Variants in LRFN2 observed in about 807,000 individuals in gnomAD.
LRFN2 encodes the protein leucine rich repeat and fibronectin type III domain containing 2, also known as leucine-rich repeat and fibronectin type-III domain-containing protein 2.
A neutral mutation model predicts 37.3 loss-of-function variants in LRFN2; 18 were observed. That is an observed-to-expected ratio of 0.48 (90% CI 0.33 to 0.72). LRFN2 has a LOEUF of 0.72. Ranked by LOEUF, LRFN2 falls within the 30% of genes least tolerant of loss-of-function variation. LRFN2 has a pLI of 0.02. For missense variants in LRFN2, 1,006 were observed against 1,060.7 expected (o/e 0.95, Z 0.72); for synonymous variants, 556 against 466.6 (o/e 1.19, Z -2.47).
intron 1 of LRFN2, among the ~76,000 whole-genome samples, chr6:40,438,071 C>T (rs1169984948): frequency 6.6e-6 from 1 of 152,120 alleles, no homozygotes; most frequent in Non-Finnish European, 1.5e-5. Flanking sequence ...TCAGAATCAG[C>T]CTTCATAGGA....
intron 1 of LRFN2, among the ~76,000 whole-genome samples, chr6:40,582,264 C>A (rs999968650): frequency 6.6e-6 from 1 of 151,942 alleles, no homozygotes; most frequent in Non-Finnish European, 1.5e-5. Context: ...TGTTTCTGGG[C>A]ACGTGAACTG....
At chr6:40,562,869 A>T (rs959771390) in intron 1 of LRFN2, among the ~76,000 whole-genome samples, 6 of 147,856 alleles carry the variant, frequency 4.1e-5, no homozygotes, top group Admixed American at 2.0e-4. Context: ...ACACACACAC[A>T]CTCTATTATC....
intron 2 of LRFN2, among the ~76,000 whole-genome samples, chr6:40,401,288 C>A (rs1297172414): frequency 6.6e-6 from 1 of 152,072 alleles, no homozygotes; most frequent in Non-Finnish European, 1.5e-5. Context: ...GCCCATGTGA[C>A]CCTTTCTGGC....
At chr6:40,517,430 T>G (rs1313697275) in intron 1 of LRFN2, 1 of 152,184 alleles carries the variant, frequency 6.6e-6, no homozygotes, top group African/African-American at 2.4e-5. Context: ...TGGTCCCATC[T>G]CAGACTTTTC....
chr6:40,419,057 G>C (rs78280047), intron 2 of LRFN2, among the ~76,000 whole-genome samples: 5,503 of 152,286 alleles, frequency 0.036, 331 homozygotes, highest in African/African-American at 0.12. Context: ...GCAGGGTCTT[G>C]CACTTGTGTG....
chr6:40,499,812 T>C (rs1239886141), intron 1 of LRFN2, among the ~76,000 whole-genome samples: 2 of 152,198 alleles, frequency 1.3e-5, no homozygotes, highest in Non-Finnish European at 2.9e-5. Flanking sequence ...AGCCATTGAT[T>C]CAAGCTCAGA....
intron 1 of LRFN2, among the ~76,000 whole-genome samples, chr6:40,549,561 G>T (rs1417955353): frequency 1.3e-5 from 2 of 152,220 alleles, no homozygotes; most frequent in Non-Finnish European, 2.9e-5. Context: ...CTTTGCTATT[G>T]TGAGGTTATT....
chr6:40,544,420 T>C (rs1581787700), intron 1 of LRFN2, among the ~76,000 whole-genome samples: 1 of 152,238 alleles, frequency 6.6e-6, no homozygotes. Flanking sequence ...TAGAGCATCT[T>C]ACTGCTGAGC....
At position 40,392,858 on chromosome 6, in the gene LRFN2, A is replaced by C. The variant is rs899331662; in HGVS notation, c.1455T>G (p.Thr485=). 1 of 1,613,860 alleles carries C rather than the reference A, an allele frequency of 6.2e-7. No individual in the cohort carries two copies. The highest frequency in any genetic ancestry group is 8.5e-7 in the Non-Finnish European group (1 of 1,179,896). ...TGGCCAGCACACACAAGTCGTAGCCAGTCCCTGACACCAGGTTGTTGACCA... is the reference window on the plus strand; with the variant it reads ...TGGCCAGCACACACAAGTCGTAGCCCGTCCCTGACACCAGGTTGTTGACCA... The part of the protein sequence containing the change: ...AFVVNNLVSG[T]GYDLCVLAMW... The change falls in exon 3 of 3, where the codon ACT becomes ACG. Residue 485 remains threonine (T), a synonymous_variant. Transcript: ENST00000338305. The surrounding 1 kb of genome is among the most constrained non-coding windows in gnomAD (Gnocchi z 4.7).
At chr6:40,544,481 G>A (rs1227975067) in intron 1 of LRFN2, among the ~76,000 whole-genome samples, 2 of 152,164 alleles carry the variant, frequency 1.3e-5, no homozygotes, top group African/African-American at 4.8e-5. Flanking sequence ...GTGTTCCCCT[G>A]CAGCACCCTG....
At chr6:40,394,507 T>C (rs1762574750) in intron 2 of LRFN2, among the ~76,000 whole-genome samples, 1 of 152,148 alleles carries the variant, frequency 6.6e-6, no homozygotes, top group Non-Finnish European at 1.5e-5. Context: ...CTGGGATCCA[T>C]GCACAGAGGA....
At chr6:40,465,205 G>A (rs1249705466) in intron 1 of LRFN2, among the ~76,000 whole-genome samples, 1 of 152,094 alleles carries the variant, frequency 6.6e-6, no homozygotes, top group Non-Finnish European at 1.5e-5. Context: ...GAAAGAGCAA[G>A]GAAACATATT....
chr6:40,493,318 A>G (rs1765137124), intron 1 of LRFN2, among the ~76,000 whole-genome samples: 2 of 152,004 alleles, frequency 1.3e-5, no homozygotes, highest in African/African-American at 4.8e-5. Context: ...TCCTGACTTG[A>G]ACCCTGACTC....
intron 1 of LRFN2, among the ~76,000 whole-genome samples, chr6:40,448,497 G>T (rs1229027000): frequency 6.6e-6 from 1 of 152,174 alleles, no homozygotes; most frequent in Non-Finnish European, 1.5e-5. Context: ...TGAAAAAAAT[G>T]AAATCTTTGC....
At chr6:40,542,079 G>T (rs126776) in intron 1 of LRFN2, among the ~76,000 whole-genome samples, 97,652 of 152,126 alleles carry the variant, frequency 0.64, 31,954 homozygotes, top group African/African-American at 0.71. Context: ...ACAGAGACCT[G>T]GTGGTTCTAA....
At chr6:40,453,553 CA>C (rs372403542) in intron 1 of LRFN2, among the ~76,000 whole-genome samples, 7,343 of 147,620 alleles carry the variant, frequency 0.05, 238 homozygotes, top group Middle Eastern at 0.072. Context: ...CACACACACA[CA>C]CCTCCCTTTG....
intron 2 of LRFN2, among the ~76,000 whole-genome samples, chr6:40,395,191 C>G (rs761122686): frequency 1.6e-4 from 24 of 152,150 alleles, no homozygotes; most frequent in Admixed American, 3.3e-4. Flanking sequence ...GTGATCAGTA[C>G]TCCCATTTCA....
At chr6:40,417,076 A>T (rs1486810862) in intron 2 of LRFN2, among the ~76,000 whole-genome samples, 2 of 152,076 alleles carry the variant, frequency 1.3e-5, no homozygotes, top group African/African-American at 4.8e-5. Context: ...GAGGGAAGAG[A>T]CTGCTGAGCA....
chr6:40,568,053 T>A (rs1197780660), intron 1 of LRFN2, among the ~76,000 whole-genome samples: 1 of 152,148 alleles, frequency 6.6e-6, no homozygotes, highest in Admixed American at 6.5e-5. Flanking sequence ...CGGTCTACAG[T>A]TTCCCCCTTC....
Sources: allele counts gnomAD v4.1 joint callset (sites outside exome capture counted in the v4.1 genomes callset), GRCh38; gene constraint gnomAD v4.1.1; non-coding constraint Gnocchi (gnomAD v3.1); transcripts MANE v1.5; gene names NCBI Gene and HGNC (gene_info 2026-07-23, HGNC 2026-07-21).